SCHIP1: variants seen among roughly 807,000 people sequenced by gnomAD.
The protein encoded by SCHIP1 is schwannomin-interacting protein 1.
A neutral mutation model predicts 29.7 loss-of-function variants in SCHIP1; 8 were observed. The observed-to-expected ratio is 0.27, with a 90% CI of 0.16 to 0.49. The LOEUF (loss-of-function observed/expected upper bound fraction) is 0.49, where lower values mean the gene tolerates loss of function less well. Ranked by LOEUF, SCHIP1 falls within the 20% of genes least tolerant of loss-of-function variation. The pLI is 0.99. For synonymous variants in SCHIP1, 76 were observed against 94.9 expected (o/e 0.80, Z 1.16); for missense variants, 193 against 294.6 (o/e 0.66, Z 2.52).
At chr3:159,671,392 C>A in the SCHIP1 span, among the ~76,000 whole-genome samples, 1 of 152,120 alleles carries the variant, frequency 6.6e-6, no homozygotes, top group African/African-American at 2.4e-5. Context: ...TTTCTGGTCA[C>A]CTTTGTCCTC....
chr3:159,480,632 G>A, the SCHIP1 span, among the ~76,000 whole-genome samples: 2 of 151,992 alleles, frequency 1.3e-5, no homozygotes, highest in Non-Finnish European at 2.9e-5. Flanking sequence ...CATCTCTCTC[G>A]TTTAACAGAG....
chr3:159,332,884 T>C, the SCHIP1 span, among the ~76,000 whole-genome samples: 7 of 152,250 alleles, frequency 4.6e-5, no homozygotes, highest in South Asian at 2.1e-4. Context: ...GATATGTTTC[T>C]GGGTTTTTAC....
the SCHIP1 span, among the ~76,000 whole-genome samples, chr3:159,431,337 G>A: frequency 2.6e-5 from 4 of 151,592 alleles, no homozygotes; most frequent in Admixed American, 6.6e-5. Context: ...CTATGAGGGA[G>A]TAGAGGTAGC....
At chr3:159,628,185 C>A in the SCHIP1 span, among the ~76,000 whole-genome samples, 1 of 149,320 alleles carries the variant, frequency 6.7e-6, no homozygotes. Context: ...GAGAAGACCT[C>A]TAAGCACTCA....
chr3:159,601,273 G>T, the SCHIP1 span, among the ~76,000 whole-genome samples: 2 of 152,158 alleles, frequency 1.3e-5, no homozygotes, highest in Non-Finnish European at 2.9e-5. Context: ...AGTGGTATGG[G>T]CTGGTATTGA....
At chr3:159,738,324 T>C in the SCHIP1 span, among the ~76,000 whole-genome samples, 1 of 152,302 alleles carries the variant, frequency 6.6e-6, no homozygotes, top group African/African-American at 2.4e-5. Context: ...TGCTCTAAAG[T>C]GGCTGGGACA....
chr3:159,425,613 G>C, the SCHIP1 span, among the ~76,000 whole-genome samples: 1 of 152,068 alleles, frequency 6.6e-6, no homozygotes, highest in African/African-American at 2.4e-5. Context: ...ACACCCCACT[G>C]TCAACATTAG....
the SCHIP1 span, among the ~76,000 whole-genome samples, chr3:159,476,568 A>G: frequency 6.6e-6 from 1 of 152,198 alleles, no homozygotes; most frequent in East Asian, 1.9e-4. Flanking sequence ...CTATGAATAG[A>G]ATACGCAACT....
At chr3:159,354,268 G>A in the SCHIP1 span, among the ~76,000 whole-genome samples, 1 of 152,116 alleles carries the variant, frequency 6.6e-6, no homozygotes, top group African/African-American at 2.4e-5. Context: ...GCTAGACTTA[G>A]TGTAATCTTC....
the SCHIP1 span, among the ~76,000 whole-genome samples, chr3:159,442,743 A>G: frequency 6.6e-6 from 1 of 152,176 alleles, no homozygotes; most frequent in African/African-American, 2.4e-5. Flanking sequence ...CTAAGAGGCT[A>G]CTGCTTTGGT....
the SCHIP1 span, among the ~76,000 whole-genome samples, chr3:159,321,702 T>C: frequency 6.6e-6 from 1 of 152,144 alleles, no homozygotes; most frequent in Non-Finnish European, 1.5e-5. Context: ...TTTAAAATGA[T>C]TATTTGTATT....
the SCHIP1 span, among the ~76,000 whole-genome samples, chr3:159,300,467 T>G: frequency 8.5e-3 from 1,291 of 152,212 alleles, 24 homozygotes; most frequent in Non-Finnish European, 8.8e-3. Flanking sequence ...GCCTACATAG[T>G]AAAGCCGAGT....
At chr3:159,700,052 T>C in the SCHIP1 span, among the ~76,000 whole-genome samples, 1 of 152,212 alleles carries the variant, frequency 6.6e-6, no homozygotes, top group Non-Finnish European at 1.5e-5. Context: ...GAGATAACCA[T>C]ACCCACCATT....
the SCHIP1 span, among the ~76,000 whole-genome samples, chr3:159,386,358 C>T: frequency 1.3e-5 from 2 of 152,216 alleles, no homozygotes; most frequent in East Asian, 3.9e-4. Flanking sequence ...GAACTACAAA[C>T]CACTGCTCAA....
chr3:159,594,109 G>T, the SCHIP1 span, among the ~76,000 whole-genome samples: 1 of 152,068 alleles, frequency 6.6e-6, no homozygotes, highest in African/African-American at 2.4e-5. Context: ...GAAGGCAACA[G>T]ATGCCCAGGA....
the SCHIP1 span, among the ~76,000 whole-genome samples, chr3:159,689,874 G>T: frequency 1.3e-5 from 2 of 152,140 alleles, no homozygotes; most frequent in African/African-American, 2.4e-5. Context: ...TTTTGTCTTT[G>T]GGTCTGTTTA....
chr3:159,277,510 A>G, the SCHIP1 span, among the ~76,000 whole-genome samples: 2 of 152,174 alleles, frequency 1.3e-5, no homozygotes, highest in African/African-American at 4.8e-5. Context: ...TGGAATAATA[A>G]TTTGGAGCTA....
chr3:159,590,272 A>C, the SCHIP1 span, among the ~76,000 whole-genome samples: 3 of 152,138 alleles, frequency 2.0e-5, no homozygotes, highest in Non-Finnish European at 4.4e-5. Flanking sequence ...AGCCCAGCGC[A>C]TTAAAGAACC....
At chr3:159,789,586 T>C in the SCHIP1 span, among the ~76,000 whole-genome samples, 1 of 152,192 alleles carries the variant, frequency 6.6e-6, no homozygotes, top group Non-Finnish European at 1.5e-5. Context: ...ATTGCTGGGC[T>C]CCACACTCCT....
Sources: gnomAD v4.1 joint callset for allele counts (sites outside exome capture counted in the v4.1 genomes callset) on GRCh38, gnomAD v4.1.1 for gene constraint, MANE v1.5 for transcripts, NCBI Gene and HGNC (gene_info 2026-07-23, HGNC 2026-07-21) for gene names.